Variants in KLHL5 observed in about 807,000 individuals in gnomAD.
The protein encoded by KLHL5 is kelch-like protein 5.
A neutral mutation model predicts 77.7 loss-of-function variants in KLHL5; 48 were observed. That is an observed-to-expected ratio of 0.62 (90% CI 0.49 to 0.79). The LOEUF is 0.79. Among genes scored for constraint, KLHL5 ranks in the 30% least tolerant of loss-of-function variants. The probability of loss-of-function intolerance (pLI) is 0.00; values close to 1 mark genes in which losing one functional copy is unlikely to be tolerated. For synonymous variants in KLHL5, 260 were observed against 297.0 expected, an observed-to-expected ratio of 0.88 and a Z score of 1.28; for missense variants, 723 against 859.7, an observed-to-expected ratio of 0.84 and a Z score of 1.99.
chr4:39,055,940 A>G (rs1430471268), intron 1 of KLHL5, among the ~76,000 whole-genome samples: 1 of 152,146 alleles, frequency 6.6e-6, no homozygotes, highest in East Asian at 1.9e-4. Flanking sequence ...GTATACTTAT[A>G]GGTATATATT....
downstream of KLHL5, among the ~76,000 whole-genome samples, chr4:39,127,767 C>T (rs552925350): frequency 1.4e-4 from 21 of 152,144 alleles, no homozygotes; most frequent in East Asian, 2.5e-3. Flanking sequence ...ACCGACCTGG[C>T]GCAAATTTTG....
Position 39,121,288 on chromosome 4 carries a change from T to TCA in KLHL5, c.*222_*223insCA. ...AAATTAAAACCTGCAGCTGGTGGATTGTGATCACACATTCCCGAAGTAATA... is the reference window on the plus strand; with the variant it reads ...AAATTAAAACCTGCAGCTGGTGGATTCAGTGATCACACATTCCCGAAGTAATA... On this transcript the variant is annotated 3_prime_UTR_variant, in exon 11 of 11. Transcript: ENST00000504108. The TCA allele has an allele frequency of 3.5e-6, 2 of 568,356 alleles. No homozygotes were observed. The highest frequency in any genetic ancestry group is 6.3e-6 in the Non-Finnish European group (2 of 319,188). The allele number at this position is 568,356 out of a possible 1,614,324, so 35.2% of individuals were successfully genotyped here.
At chr4:39,055,922 C>A (rs1716973427) in intron 1 of KLHL5, among the ~76,000 whole-genome samples, 1 of 152,086 alleles carries the variant, frequency 6.6e-6, no homozygotes, top group Non-Finnish European at 1.5e-5. Flanking sequence ...TCCTCTTGAT[C>A]TTCCCTCGTA....
intron 9 of KLHL5, 147 bp downstream of exon 9, chr4:39,113,379 C>T (rs1482105071): frequency 6.3e-6 from 4 of 637,674 alleles, no homozygotes; most frequent in Non-Finnish European, 1.1e-5. Flanking sequence ...ACAGCCTGCT[C>T]TCACAGGAAG....
At chr4:39,056,157 C>T (rs1049755160) in intron 1 of KLHL5, among the ~76,000 whole-genome samples, 4 of 152,210 alleles carry the variant, frequency 2.6e-5, no homozygotes, top group Non-Finnish European at 5.9e-5. Flanking sequence ...CAATCTTGCC[C>T]TGTTGCCCGA....
At chr4:39,111,234 A>G (rs1722438023) in intron 8 of KLHL5, among the ~76,000 whole-genome samples, 1 of 152,226 alleles carries the variant, frequency 6.6e-6, no homozygotes, top group Non-Finnish European at 1.5e-5. Context: ...CATGATTATC[A>G]TGTACTAGGC....
Position 39,103,517 on chromosome 4 carries a change from T to A in KLHL5, c.1525+6T>A. 1 of 1,606,766 alleles carries A rather than the reference T, an allele frequency of 6.2e-7. No homozygotes were observed. Among genetic ancestry groups the A allele is most frequent in the South Asian group, 1.1e-5 (1 of 90,956 alleles). ...CACACATAGACATGGCCTTGGTAAG[T>A]ACAACTATGCAGATTCACTCAAAAT... On this transcript the variant is annotated splice_donor_region_variant and intron_variant, in intron 7 of 10. Transcript: ENST00000504108.
At chr4:39,092,961 T>G in intron 5 of KLHL5, 1 of 380,492 alleles carries the variant, frequency 2.6e-6, no homozygotes, top group Non-Finnish European at 5.2e-6. Context: ...CTTAAAAAGT[T>G]AAACATAAAT....
At chr4:39,118,685 G>A (rs1055948724) in intron 10 of KLHL5, among the ~76,000 whole-genome samples, 10 of 152,206 alleles carry the variant, frequency 6.6e-5, no homozygotes, top group African/African-American at 2.4e-4. Flanking sequence ...GAACCTGGGA[G>A]GCAGAGGTTG....
intron 1 of KLHL5, among the ~76,000 whole-genome samples, chr4:39,046,116 C>T (rs1470441560): frequency 2.0e-5 from 3 of 150,316 alleles, no homozygotes; most frequent in Non-Finnish European, 4.4e-5. Context: ...CTTGTTATGA[C>T]TTATGTGAAT....
intron 1 of KLHL5, among the ~76,000 whole-genome samples, chr4:39,068,256 A>T (rs2109312341): frequency 6.6e-6 from 1 of 152,006 alleles, no homozygotes; most frequent in East Asian, 1.9e-4. Flanking sequence ...TTCAGTTTTA[A>T]ATTAAATTCC....
intron 1 of KLHL5, chr4:39,063,538 A>G (rs1007115782): frequency 4.6e-6 from 2 of 431,206 alleles, no homozygotes; most frequent in African/African-American, 2.0e-5. Context: ...TATTTTTCTT[A>G]TGGTTATTTC....
chr4:39,108,513 T>TTAGG (rs1318170646), intron 8 of KLHL5, among the ~76,000 whole-genome samples: 1 of 152,176 alleles, frequency 6.6e-6, no homozygotes, highest in Non-Finnish European at 1.5e-5. Flanking sequence ...TTTTTATATT[T>TTAGG]TAGGACCTAA....
chr4:39,071,465 C>A (rs1263756084), intron 1 of KLHL5, among the ~76,000 whole-genome samples: 11 of 152,092 alleles, frequency 7.2e-5, no homozygotes, highest in Non-Finnish European at 1.5e-5. Context: ...GTAAAGGGAT[C>A]TAAATAGTTT....
intron 4 of KLHL5, among the ~76,000 whole-genome samples, chr4:39,085,247 T>C (rs1719941265): frequency 6.6e-6 from 1 of 152,178 alleles, no homozygotes; most frequent in Admixed American, 6.5e-5. Flanking sequence ...TCATGATAAA[T>C]TGAAGCAATT....
chr4:39,048,502 T>C (rs1418486146), intron 1 of KLHL5, among the ~76,000 whole-genome samples: 2 of 152,148 alleles, frequency 1.3e-5, no homozygotes, highest in African/African-American at 4.8e-5. Flanking sequence ...TTTTTTTCTG[T>C]TATACTACAT....
chr4:39,101,271 A>G (rs1339654774), intron 6 of KLHL5, among the ~76,000 whole-genome samples: 1 of 151,648 alleles, frequency 6.6e-6, no homozygotes, highest in East Asian at 1.9e-4. Flanking sequence ...TTAAAATTCA[A>G]AAGAAAAGTA....
chr4:39,061,045 A>G (rs1717371359), upstream of KLHL5, among the ~76,000 whole-genome samples: 1 of 152,154 alleles, frequency 6.6e-6, no homozygotes, highest in Non-Finnish European at 1.5e-5. Flanking sequence ...GAAATCTATC[A>G]TTCTACCTAA....
chr4:39,140,121 G>A, the KLHL5 span, among the ~76,000 whole-genome samples: 15 of 149,382 alleles, frequency 1.0e-4, no homozygotes, highest in Admixed American at 8.6e-4. Context: ...CAGCTACTTG[G>A]GGGGGGCTGG....
Sources: gnomAD v4.1 joint callset for allele counts (sites outside exome capture counted in the v4.1 genomes callset) on GRCh38, gnomAD v4.1.1 for gene constraint, MANE v1.5 for transcripts, NCBI Gene and HGNC (gene_info 2026-07-23, HGNC 2026-07-21) for gene names.